Variants in SMG6 observed in about 807,000 individuals in gnomAD.
The protein encoded by SMG6 is SMG6 nonsense mediated mRNA decay factor, also known as telomerase-binding protein EST1A.
Under a neutral mutation model 142.2 loss-of-function variants are expected in SMG6, and 66 were observed. The ratio of observed to expected loss-of-function variants is 0.46; its 90% CI spans 0.38 to 0.57. The LOEUF is 0.57. Ranked by LOEUF, SMG6 falls within the 20% of genes least tolerant of loss-of-function variation. The probability of loss-of-function intolerance (pLI) is 0.00; values close to 1 mark genes in which losing one functional copy is unlikely to be tolerated. For synonymous variants in SMG6, 779 were observed against 702.4 expected (o/e 1.11, Z -1.72); for missense variants, 1,793 against 1,832.0 (o/e 0.98, Z 0.39).
At chr17:2,256,531 G>T (rs1314929997) in intron 8 of SMG6, among the ~76,000 whole-genome samples, 1 of 152,176 alleles carries the variant, frequency 6.6e-6, no homozygotes, top group African/African-American at 2.4e-5. Context: ...AGAGGCTGAG[G>T]CGGGTGGATC....
chr17:2,160,056 A>T (rs2071127154), intron 13 of SMG6, among the ~76,000 whole-genome samples: 1 of 152,142 alleles, frequency 6.6e-6, no homozygotes, highest in African/African-American at 2.4e-5. Flanking sequence ...GGAGAAGGAA[A>T]TATTCTATAC....
intron 16 of SMG6, 131 bp from the exon 17 acceptor site, chr17:2,065,810 T>C (rs893999717): frequency 2.4e-5 from 18 of 756,954 alleles, no homozygotes; most frequent in South Asian, 8.5e-5. Flanking sequence ...AGTCTTCCAA[T>C]GAAACTAGGG....
chr17:2,277,157 A>C (rs868413287), intron 8 of SMG6, among the ~76,000 whole-genome samples: 1 of 97,070 alleles, frequency 1.0e-5, no homozygotes, highest in Admixed American at 1.1e-4. Flanking sequence ...TTATTTATTT[A>C]TTTATTTATT....
chr17:2,188,301 A>G, intron 11 of SMG6, 98 bp downstream of exon 11: 1 of 942,876 alleles, frequency 1.1e-6, no homozygotes, highest in East Asian at 2.4e-5. Flanking sequence ...AATGGAGACT[A>G]CAGGGAGAAG....
At chr17:2,099,739 C>T (rs889129777) in intron 13 of SMG6, among the ~76,000 whole-genome samples, 1 of 152,182 alleles carries the variant, frequency 6.6e-6, no homozygotes, top group African/African-American at 2.4e-5. Context: ...CAAATGGCTG[C>T]CATACAGAAC....
chr17:2,292,009 G>C (rs930112361), intron 6 of SMG6, among the ~76,000 whole-genome samples: 1 of 152,074 alleles, frequency 6.6e-6, no homozygotes, highest in African/African-American at 2.4e-5. Context: ...CCCAAGGCCC[G>C]CTTCTCCATT....
At chr17:2,077,268 G>A (rs1312655911) in intron 15 of SMG6, among the ~76,000 whole-genome samples, 1 of 152,198 alleles carries the variant, frequency 6.6e-6, no homozygotes, top group African/African-American at 2.4e-5. Context: ...GACAATGTGG[G>A]AAACAAGTCC....
chr17:2,217,256 T>C (rs937102936), intron 10 of SMG6, among the ~76,000 whole-genome samples: 1 of 152,234 alleles, frequency 6.6e-6, no homozygotes, highest in South Asian at 2.1e-4. Context: ...ACTAAAGTAT[T>C]GTGATAATTT....
chr17:2,212,542 C>T (rs770445449), intron 10 of SMG6: 1 of 152,096 alleles, frequency 6.6e-6, no homozygotes, highest in African/African-American at 2.4e-5. Flanking sequence ...AGTTTTCAAA[C>T]CAAAAATATT....
At chr17:2,161,448 G>A (rs1432623023) in intron 13 of SMG6, among the ~76,000 whole-genome samples, 5 of 149,750 alleles carry the variant, frequency 3.3e-5, no homozygotes, top group African/African-American at 1.2e-4. Context: ...CTCACACACT[G>A]TCACCCGGGC....
intron 13 of SMG6, among the ~76,000 whole-genome samples, chr17:2,113,944 A>G (rs952764092): frequency 1.3e-5 from 2 of 152,224 alleles, no homozygotes; most frequent in African/African-American, 4.8e-5. Context: ...AAGTATTTCA[A>G]TCTGGAAGGC....
At chr17:2,171,023 C>T (rs1235425407) in intron 13 of SMG6, among the ~76,000 whole-genome samples, 1 of 152,010 alleles carries the variant, frequency 6.6e-6, no homozygotes, top group Non-Finnish European at 1.5e-5. Context: ...ACCTATAATC[C>T]CAGCACTTTG....
intron 8 of SMG6, 74 bp from the exon 9 acceptor site, chr17:2,244,793 T>C (rs1356641030): frequency 1.6e-6 from 2 of 1,289,766 alleles, no homozygotes; most frequent in Non-Finnish European, 2.2e-6. Flanking sequence ...GAGTCCCCAG[T>C]GACACAATAA....
intron 13 of SMG6, among the ~76,000 whole-genome samples, chr17:2,156,545 G>A (rs2071012467): frequency 6.6e-6 from 1 of 151,966 alleles, no homozygotes; most frequent in Non-Finnish European, 1.5e-5. Context: ...ACTAACATCA[G>A]CCTGTCAGAT....
chr17:2,133,770 A>G (rs1195494317), intron 13 of SMG6, among the ~76,000 whole-genome samples: 2 of 152,220 alleles, frequency 1.3e-5, no homozygotes, highest in African/African-American at 4.8e-5. Flanking sequence ...TAGGATAGCC[A>G]TGTGACTCTT....
rs760017339 is a variant in SMG6, at chr17:2,299,753, G to C, written c.1000C>G (p.Arg334Gly). Residue 334 changes from arginine (R) to glycine (G), a missense_variant, in exon 2 of 19, where the codon CGT becomes GGT. Arg to Gly is a moderately radical substitution (Grantham distance 125). Coordinates refer to ENST00000263073, the MANE Select transcript of SMG6 (RefSeq NM_017575.5). This position sits in a 1 kb window ranked among gnomAD's most constrained non-coding sequence, Gnocchi z 4.3. The stretch of plus-strand genomic sequence containing the variant: ...CTGTTTTTCTGCTCACCCTCCCCAC[G>C]GCCAGACCAGTTTCTTTCTAAATGT... ...KRHLERNWSGRGEGEQKNSAK... is the reference protein window; with the variant it reads ...KRHLERNWSGGGEGEQKNSAK... The C allele has an allele frequency of 9.9e-6, 16 of 1,613,944 alleles. No individual in the cohort carries two copies. The highest frequency in any genetic ancestry group is 1.3e-5 in the Non-Finnish European group (15 of 1,180,018).
At chr17:2,111,017 A>G (rs9899658) in intron 13 of SMG6, among the ~76,000 whole-genome samples, 20,770 of 152,186 alleles carry the variant, frequency 0.14, 1,921 homozygotes, top group African/African-American at 0.26. Context: ...GAGCTCGTAG[A>G]GCCTCACAGA....
chr17:2,077,661 T>C (rs2068298294), intron 15 of SMG6, among the ~76,000 whole-genome samples: 1 of 152,214 alleles, frequency 6.6e-6, no homozygotes, highest in African/African-American at 2.4e-5. Context: ...TTGGTGCTTT[T>C]ACCACTTTCA....
intron 10 of SMG6, chr17:2,232,832 C>A (rs1010839190): frequency 6.6e-6 from 1 of 152,178 alleles, no homozygotes; most frequent in African/African-American, 2.4e-5. Flanking sequence ...AATCTGGCCT[C>A]ACATCCTCTG....
Sources: allele counts gnomAD v4.1 joint callset (sites outside exome capture counted in the v4.1 genomes callset), GRCh38; gene constraint gnomAD v4.1.1; non-coding constraint Gnocchi (gnomAD v3.1); transcripts MANE v1.5; gene names NCBI Gene and HGNC (gene_info 2026-07-23, HGNC 2026-07-21).